PLXNA2: variants seen among roughly 807,000 people sequenced by gnomAD.
PLXNA2 encodes plexin A2.
In PLXNA2, 91 loss-of-function variants were observed where a neutral mutation model predicts 193.5. The observed-to-expected ratio is 0.47, with a 90% CI of 0.40 to 0.56. The LOEUF (loss-of-function observed/expected upper bound fraction) is 0.56, where lower values mean the gene tolerates loss of function less well. PLXNA2 is among the 20% of genes least tolerant of loss of function. The pLI, the probability that PLXNA2 is intolerant of heterozygous loss-of-function variation, is 0.00. For missense variants in PLXNA2, 1,995 were observed against 2,503.2 expected (o/e 0.80, Z 4.33); for synonymous variants, 997 against 1,027.3 (o/e 0.97, Z 0.56).
intron 3 of PLXNA2, among the ~76,000 whole-genome samples, chr1:208,178,243 G>C (rs1327143464): frequency 6.6e-6 from 1 of 152,192 alleles, no homozygotes; most frequent in African/African-American, 2.4e-5. Context: ...AGAGTTATGA[G>C]AAGCCTTGCT....
rs1216018677 is a variant in PLXNA2 at position 208,243,897 on chromosome 1, G to A, written c.-335C>T. ...CCGTCGCCCCGCAGCAGCCCGGCTG[G>A]GCGCTGTCGCCGGCTCTCAGGGGGC... On this transcript the variant is annotated 5_prime_UTR_variant, in exon 1 of 32. Coordinates refer to ENST00000367033, the MANE Select transcript of PLXNA2 (RefSeq NM_025179.4). The A allele has an allele frequency of 6.6e-6, 1 of 152,424 alleles. No homozygotes were observed. Among genetic ancestry groups the A allele is most frequent in the African/African-American group, 2.4e-5 (1 of 41,460 alleles). 9.4% of individuals were successfully genotyped at this position (152,424 alleles called of 1,614,324 possible). A position where few individuals can be genotyped will look rare whatever the true frequency, so the allele number is the denominator to read the frequency against.
chr1:208,170,373 T>C (rs1039803704), intron 3 of PLXNA2, among the ~76,000 whole-genome samples: 2 of 152,176 alleles, frequency 1.3e-5, no homozygotes, highest in South Asian at 2.1e-4. Flanking sequence ...AGAACTAGCA[T>C]GGGCCTTGGG....
chr1:208,100,424 G>A (rs369674207), intron 5 of PLXNA2, among the ~76,000 whole-genome samples: 2 of 152,274 alleles, frequency 1.3e-5, no homozygotes, highest in African/African-American at 4.8e-5. Flanking sequence ...AATTAAAGGA[G>A]TTAGTGCTTA....
At chr1:208,194,137 A>AC in intron 3 of PLXNA2, among the ~76,000 whole-genome samples, 1 of 151,860 alleles carries the variant, frequency 6.6e-6, no homozygotes, top group Non-Finnish European at 1.5e-5. Flanking sequence ...GACTGTGAGA[A>AC]CAGCCTCTTG....
intron 3 of PLXNA2, among the ~76,000 whole-genome samples, chr1:208,167,707 G>A (rs564973502): frequency 6.6e-6 from 1 of 152,198 alleles, no homozygotes; most frequent in Non-Finnish European, 1.5e-5. Flanking sequence ...TTCCCTAACG[G>A]GAGTGAGCAG....
In PLXNA2 at chr1:208,027,123, T is replaced by C; in HGVS notation, c.*120A>G. 2 of 895,906 alleles carry C rather than the reference T, an allele frequency of 2.2e-6. No homozygotes were observed. 55.5% of individuals were successfully genotyped at this position (895,906 alleles called of 1,614,324 possible). On this transcript the variant is annotated 3_prime_UTR_variant, in exon 32 of 32. Coordinates refer to ENST00000367033, the MANE Select transcript of PLXNA2 (RefSeq NM_025179.4). The stretch of plus-strand genomic sequence containing the variant: ...GAGGAGTCCTCCCCTCTCCCCAGGA[T>C]GGGGTCTCAGGGGACAGCAAGCTCT...
chr1:208,139,974 A>G (rs890552663), intron 4 of PLXNA2, among the ~76,000 whole-genome samples: 7 of 152,182 alleles, frequency 4.6e-5, no homozygotes, highest in African/African-American at 1.7e-4. Flanking sequence ...TCGTAATCAC[A>G]GCTCCATCTG....
chr1:208,199,781 C>T (rs1487596323), intron 3 of PLXNA2, among the ~76,000 whole-genome samples: 4 of 152,152 alleles, frequency 2.6e-5, no homozygotes, highest in African/African-American at 9.7e-5. Context: ...GTCTTGCCTC[C>T]GTGGGTAAGA....
chr1:208,142,915 T>C (rs1404877713), intron 3 of PLXNA2, among the ~76,000 whole-genome samples: 3 of 152,206 alleles, frequency 2.0e-5, no homozygotes, highest in African/African-American at 7.2e-5. Context: ...ATATAAATCA[T>C]CAAAAAGCTG....
chr1:208,230,045 C>G (rs1671638855), intron 1 of PLXNA2: 1 of 152,194 alleles, frequency 6.6e-6, no homozygotes, highest in African/African-American at 2.4e-5. Context: ...AAAATGACAC[C>G]TCACAGGGTT....
At chr1:208,065,033 G>A (rs1272402554) in intron 12 of PLXNA2, among the ~76,000 whole-genome samples, 1 of 152,146 alleles carries the variant, frequency 6.6e-6, no homozygotes, top group African/African-American at 2.4e-5. Context: ...GGGCAATTTG[G>A]CTGAATCCCC....
intron 12 of PLXNA2, among the ~76,000 whole-genome samples, chr1:208,064,920 C>G (rs905666053): frequency 3.9e-5 from 6 of 152,150 alleles, no homozygotes; most frequent in African/African-American, 7.2e-5. Context: ...CCCCAGGGCT[C>G]TCTCTTAAAA....
chr1:208,073,518 C>T (rs949383757), intron 12 of PLXNA2, among the ~76,000 whole-genome samples: 2 of 152,164 alleles, frequency 1.3e-5, no homozygotes, highest in Non-Finnish European at 2.9e-5. Context: ...TCATGGCATA[C>T]AGTAGTCATT....
At chr1:208,207,582 G>T (rs961415359) in intron 3 of PLXNA2, among the ~76,000 whole-genome samples, 1 of 152,222 alleles carries the variant, frequency 6.6e-6, no homozygotes, top group Admixed American at 6.5e-5. Context: ...GGAGAAGTGA[G>T]TAGTTCTGAC....
At chr1:208,069,870 G>A (rs958836039) in intron 12 of PLXNA2, among the ~76,000 whole-genome samples, 3 of 152,180 alleles carry the variant, frequency 2.0e-5, no homozygotes, top group African/African-American at 7.2e-5. Flanking sequence ...TTTGTTAAGT[G>A]CTTATAATGA....
At chr1:208,163,848 C>T (rs1669211192) in intron 3 of PLXNA2, among the ~76,000 whole-genome samples, 1 of 152,220 alleles carries the variant, frequency 6.6e-6, no homozygotes, top group South Asian at 2.1e-4. Context: ...CAGTGCCTGG[C>T]AAGTCGATGC....
chr1:208,074,975 T>A (rs1666100768), intron 12 of PLXNA2, among the ~76,000 whole-genome samples: 1 of 152,148 alleles, frequency 6.6e-6, no homozygotes, highest in Admixed American at 6.6e-5. Flanking sequence ...GGGGAAAACA[T>A]CTATGCCAGT....
At chr1:208,043,920 C>T (rs187255312) in intron 20 of PLXNA2, among the ~76,000 whole-genome samples, 8 of 152,332 alleles carry the variant, frequency 5.3e-5, no homozygotes, top group African/African-American at 7.2e-5. Flanking sequence ...CCTGAGAGGA[C>T]GCCAGGTACA....
At chr1:208,108,825 G>A (rs1331270865) in intron 4 of PLXNA2, among the ~76,000 whole-genome samples, 6 of 152,168 alleles carry the variant, frequency 3.9e-5, no homozygotes, top group African/African-American at 7.2e-5. Context: ...CAGGACCGTC[G>A]TGGCTCAGAG....
Sources: allele counts gnomAD v4.1 joint callset (sites outside exome capture counted in the v4.1 genomes callset), GRCh38; gene constraint gnomAD v4.1.1; transcripts MANE v1.5; gene names NCBI Gene and HGNC (gene_info 2026-07-23, HGNC 2026-07-21).